APLF: variants seen among roughly 807,000 people sequenced by gnomAD.
APLF encodes the protein aprataxin and PNKP like factor, also known as aprataxin and PNK-like factor.
In APLF, 61 loss-of-function variants were observed where a neutral mutation model predicts 55.6. The ratio of observed to expected loss-of-function variants is 1.10; its 90% confidence interval spans 0.89 to 1.36. The LOEUF is 1.36. Among genes scored for constraint, APLF ranks in the 40% most tolerant of loss-of-function variants. APLF has a pLI of 0.00. For synonymous variants in APLF, 207 were observed against 214.8 expected (o/e 0.96, Z 0.32); for missense variants, 611 against 602.5 (o/e 1.01, Z -0.15).
chr2:68,545,572 AGCTGTTGAT>A (rs1255075435), intron 8 of APLF, among the ~76,000 whole-genome samples: 3 of 152,184 alleles, frequency 2.0e-5, no homozygotes, highest in Non-Finnish European at 4.4e-5. Flanking sequence ...ATCACTTAAA[AGCTGTTGAT>A]GCTACCCCAA....
intron 1 of APLF, among the ~76,000 whole-genome samples, chr2:68,475,169 T>C (rs904700265): frequency 6.6e-6 from 1 of 152,266 alleles, no homozygotes; most frequent in African/African-American, 2.4e-5. Flanking sequence ...CCCACTTTTG[T>C]CTTCTTAAGC....
At chr2:68,533,213 G>A (rs535534820) in intron 6 of APLF, among the ~76,000 whole-genome samples, 7 of 152,136 alleles carry the variant, frequency 4.6e-5, no homozygotes. Context: ...CTGGTGCCTT[G>A]ATCTTGGACT....
chr2:68,575,833 C>G (rs371208642), intron 9 of APLF, among the ~76,000 whole-genome samples: 19 of 151,838 alleles, frequency 1.3e-4, no homozygotes, highest in African/African-American at 4.1e-4. Flanking sequence ...GTAAGTCATC[C>G]AAGTACAGAT....
At chr2:68,473,783 C>T (rs1017132667) in intron 1 of APLF, among the ~76,000 whole-genome samples, 1 of 152,134 alleles carries the variant, frequency 6.6e-6, no homozygotes, top group African/African-American at 2.4e-5. Flanking sequence ...ACACAGAAGA[C>T]TCCTGTGATT....
chr2:68,516,542 C>G (rs915379082), intron 5 of APLF, among the ~76,000 whole-genome samples: 1 of 151,044 alleles, frequency 6.6e-6, no homozygotes, highest in Admixed American at 6.7e-5. Context: ...ACCCATTACC[C>G]GAGCAGTGTA....
intron 9 of APLF, among the ~76,000 whole-genome samples, chr2:68,571,376 A>G (rs1433652005): frequency 4.6e-5 from 7 of 152,174 alleles, no homozygotes; most frequent in Non-Finnish European, 7.3e-5. Context: ...GCTTATGCCT[A>G]TGTCCTGAAT....
At chr2:68,501,868 A>C (rs1162734084) in intron 2 of APLF, among the ~76,000 whole-genome samples, 1 of 152,152 alleles carries the variant, frequency 6.6e-6, no homozygotes, top group Non-Finnish European at 1.5e-5. Context: ...GTGCTGCAAT[A>C]ACAGAATACC....
intron 8 of APLF, among the ~76,000 whole-genome samples, chr2:68,548,377 A>G (rs1338040900): frequency 6.6e-6 from 1 of 151,972 alleles, no homozygotes; most frequent in Non-Finnish European, 1.5e-5. Flanking sequence ...TCTAGAACAC[A>G]TGAAAAAATA....
intron 5 of APLF, among the ~76,000 whole-genome samples, chr2:68,514,516 AG>A (rs1669522642): frequency 6.6e-6 from 1 of 151,784 alleles, no homozygotes; most frequent in Non-Finnish European, 1.5e-5. Context: ...GTGTCTAGGT[AG>A]TTCCTTCACT....
rs758999163 is a variant in APLF, at chr2:68,545,266, G to T, written c.1240G>T (p.Glu414Ter). 6.2e-7 allele frequency: 1 copy of T among 1,613,892 alleles called. No individual in the cohort carries two copies. Among genetic ancestry groups the T allele is most frequent in the Non-Finnish European group, 8.5e-7 (1 of 1,179,828 alleles). The part of the protein sequence containing the change: ...YGGVQIVGQD[E>*]TDDRPECPYG... ...AGGTGTACAAATCGTGGGCCAAGAT[G>T]AGACTGATGACCGGCCTGAATGTCC... is the stretch of plus-strand genomic sequence containing the variant. The change falls in exon 8 of 10, where the codon GAG (glutamate) becomes TAG (stop). Residue 414 changes from glutamate (E) to a stop codon, truncating the protein, a stop_gained. Transcript: ENST00000303795. LOFTEE classifies it high-confidence loss of function.
In APLF at chr2:68,490,204, A is replaced by C. The variant is rs1422422046; in HGVS notation, c.111A>C (p.Arg37Ser). 1 of 1,610,060 alleles carries C rather than the reference A, an allele frequency of 6.2e-7. No individual in the cohort carries two copies. The highest frequency in any genetic ancestry group is 1.1e-5 in the South Asian group (1 of 90,232). ...TTACTGTATAGATAACAGACAAGAG[A>C]GTATCCAGAAGACATGCCATTCTTG... The part of the protein sequence containing the change: ...RGPLLGITDK[R>S]VSRRHAILEV... Residue 37 changes from arginine to serine, a missense_variant, in exon 2 of 10, where the codon AGA becomes AGC. Transcript: ENST00000303795.
chr2:68,502,079 G>A (rs1268605255), intron 2 of APLF, among the ~76,000 whole-genome samples: 2 of 152,186 alleles, frequency 1.3e-5, no homozygotes, highest in African/African-American at 2.4e-5. Context: ...AGACCCACTC[G>A]CGAGATAACA....
intron 8 of APLF, among the ~76,000 whole-genome samples, chr2:68,559,477 G>C (rs6740734): frequency 0.084 from 12,795 of 152,130 alleles, 602 homozygotes; most frequent in Middle Eastern, 0.12. Flanking sequence ...CCACCTCTAA[G>C]TCAGAACTCT....
At position 68,579,379 on chromosome 2, in the gene APLF, T is replaced by A; in HGVS notation, c.*1357T>A. ...GTATAACAAATCTACGAATGTAATA[T>A]TTAACTTATTCTCATCCCTGCCACT... On this transcript the variant is annotated 3_prime_UTR_variant, in exon 10 of 10. Coordinates refer to ENST00000303795, the MANE Select transcript of APLF (RefSeq NM_173545.3). The A allele has an allele frequency of 3.1e-6, 3 of 980,638 alleles. No individual in the cohort carries two copies. The highest frequency in any genetic ancestry group is 9.4e-5 in the South Asian group (2 of 21,190). 60.7% of individuals were successfully genotyped at this position (980,638 alleles called of 1,614,324 possible).
chr2:68,497,657 A>G (rs1676593190), intron 2 of APLF, among the ~76,000 whole-genome samples: 1 of 151,456 alleles, frequency 6.6e-6, no homozygotes, highest in Non-Finnish European at 1.5e-5. Flanking sequence ...CCCACTCTGT[A>G]TTAGTTAAAT....
At position 68,493,609 on chromosome 2, in the gene APLF, C is replaced by T. The variant is rs148211155; in HGVS notation, c.168+3348C>T. Among the ~76,000 whole-genome samples, 997 of 152,244 alleles carry T rather than the reference C, an allele frequency of 6.5e-3. 7 individuals are homozygous for T. The highest frequency in any genetic ancestry group is 0.023 in the African/African-American group (947 of 41,528). On this transcript the variant is annotated intron_variant, in intron 2 of 9. Coordinates refer to ENST00000303795, the MANE Select transcript of APLF (RefSeq NM_173545.3). ...ATTTGAAACACATGTAATTGGAACA[C>T]GTAATTAGGCCATTCATGCATTGAC...
chr2:68,519,113 A>G (rs1020819906), intron 5 of APLF, among the ~76,000 whole-genome samples: 29 of 134,442 alleles, frequency 2.2e-4, no homozygotes, highest in African/African-American at 7.9e-4. Context: ...ATAATATATA[A>G]TATATAAAAC....
chr2:68,567,474 T>C (rs1011892533), intron 9 of APLF, 87 bp downstream of exon 9: 1 of 1,078,746 alleles, frequency 9.3e-7, no homozygotes, highest in Non-Finnish European at 1.3e-6. Context: ...ATGAAAATAT[T>C]TTAAAATCTC....
intron 2 of APLF, among the ~76,000 whole-genome samples, chr2:68,495,742 C>G (rs1199046612): frequency 1.3e-5 from 2 of 152,262 alleles, no homozygotes; most frequent in African/African-American, 4.8e-5. Flanking sequence ...CCAGGCTTTT[C>G]CATGCATCCT....
Sources: gnomAD v4.1 joint callset for allele counts (sites outside exome capture counted in the v4.1 genomes callset) on GRCh38, gnomAD v4.1.1 for gene constraint, MANE v1.5 for transcripts, NCBI Gene and HGNC (gene_info 2026-07-23, HGNC 2026-07-21) for gene names.